Variants in TDP1 observed in about 807,000 individuals in gnomAD.
TDP1 encodes tyrosyl-DNA phosphodiesterase 1.
In TDP1, 64 loss-of-function variants were observed where a neutral mutation model predicts 81.5. That is an observed-to-expected ratio of 0.79 (90% CI 0.64 to 0.97). TDP1 has a LOEUF of 0.97. TDP1 is among the 50% of genes least tolerant of loss of function. The pLI, the probability that TDP1 is intolerant of heterozygous loss-of-function variation, is 0.00. For synonymous variants in TDP1, 256 were observed against 264.3 expected, an observed-to-expected ratio of 0.97 and a Z score of 0.30; for missense variants, 723 against 743.8, an observed-to-expected ratio of 0.97 and a Z score of 0.33.
intron 14 of TDP1, among the ~76,000 whole-genome samples, chr14:90,018,151 A>C (rs10132655): frequency 0.037 from 5,663 of 151,856 alleles, 380 homozygotes; most frequent in African/African-American, 0.13. Context: ...TCCAGCACAT[A>C]GCTCAGAAAA....
chr14:89,973,371 G>C (rs762753139), intron 6 of TDP1, among the ~76,000 whole-genome samples: 4 of 152,130 alleles, frequency 2.6e-5, no homozygotes, highest in Admixed American at 6.5e-5. Context: ...ACCTGTGCTC[G>C]TTTAGGAGAG....
At chr14:89,983,682 G>C (rs904118694) in intron 8 of TDP1, among the ~76,000 whole-genome samples, 1 of 152,190 alleles carries the variant, frequency 6.6e-6, no homozygotes, top group African/African-American at 2.4e-5. Context: ...TTTTGCATTT[G>C]AAGAAACTGA....
chr14:90,005,267 G>C lies in TDP1; in HGVS notation c.1541+11784G>C, dbSNP rs559074022. 1.8e-4 allele frequency among the ~76,000 whole-genome samples: 28 copies of C among 152,296 alleles called. No homozygotes were observed. The South Asian group carries it at 5.4e-3, about 29-fold the overall frequency. ...TGGATTTTATGCTGTGTTCCTTGGA[G>C]CCCTGTGGGCTCTGGAAACCCCTTT... On this transcript the variant is annotated intron_variant, in intron 14 of 16. Coordinates refer to ENST00000335725, the MANE Select transcript of TDP1 (RefSeq NM_018319.4).
chr14:89,975,384 T>C, intron 6 of TDP1: 1 of 985,306 alleles, frequency 1.0e-6, no homozygotes, highest in Non-Finnish European at 1.2e-6. Flanking sequence ...CCTTCAGTGT[T>C]TCTTTTAAAT....
intron 6 of TDP1, among the ~76,000 whole-genome samples, chr14:89,974,167 A>C (rs1893992284): frequency 6.6e-6 from 1 of 152,182 alleles, no homozygotes; most frequent in African/African-American, 2.4e-5. Flanking sequence ...TTATCTTTGA[A>C]ATTGATTGCT....
intron 6 of TDP1, among the ~76,000 whole-genome samples, chr14:89,974,831 G>C (rs1894087892): frequency 6.6e-6 from 1 of 152,122 alleles, no homozygotes; most frequent in Admixed American, 6.5e-5. Context: ...AAACTTTTAC[G>C]GTTATTTAAA....
Position 89,971,166 on chromosome 14 carries a change from T to C in TDP1, c.660-9T>C. 1 of 1,612,144 alleles carries C rather than the reference T, an allele frequency of 6.2e-7. No individual in the cohort carries two copies. The highest frequency in any genetic ancestry group is 8.5e-7 in the Non-Finnish European group (1 of 1,178,420). On this transcript the variant is annotated splice_polypyrimidine_tract_variant and intron_variant, in intron 5 of 16. Transcript: ENST00000335725. ...TGATGTATATTAAATACTAATGCTC[T>C]CTTTTTAGGAAGAAGCCAATCCTGC...
chr14:90,010,476 G>A (rs990969209), intron 14 of TDP1, among the ~76,000 whole-genome samples: 7 of 152,300 alleles, frequency 4.6e-5, no homozygotes, highest in African/African-American at 1.7e-4. Flanking sequence ...GCAGCAGGTG[G>A]GATTAGGTTT....
At chr14:89,968,299 A>T (rs1204006331) in intron 5 of TDP1, among the ~76,000 whole-genome samples, 2 of 152,106 alleles carry the variant, frequency 1.3e-5, no homozygotes, top group African/African-American at 2.4e-5. Context: ...TATGGTCTAG[A>T]TGGGGGCACC....
At chr14:90,020,502 C>T (rs569483492) in intron 15 of TDP1, among the ~76,000 whole-genome samples, 5 of 57,104 alleles carry the variant, frequency 8.8e-5, no homozygotes, top group African/African-American at 2.7e-4. Context: ...CTCCCTCCCT[C>T]CCTTCCGTCC....
At chr14:90,006,315 T>G (rs141837616) in intron 14 of TDP1, among the ~76,000 whole-genome samples, 2 of 152,182 alleles carry the variant, frequency 1.3e-5, no homozygotes, top group Admixed American at 1.3e-4. Context: ...TAAGACCTGA[T>G]AGCCACCCTG....
At chr14:90,042,091 A>G (rs780210445) in intron 16 of TDP1, among the ~76,000 whole-genome samples, 1 of 152,194 alleles carries the variant, frequency 6.6e-6, no homozygotes, top group Non-Finnish European at 1.5e-5. Context: ...CCATTGTACC[A>G]TACCCAGGCA....
intron 8 of TDP1, among the ~76,000 whole-genome samples, chr14:89,982,026 C>A (rs759516972): frequency 6.6e-6 from 1 of 152,140 alleles, no homozygotes; most frequent in Non-Finnish European, 1.5e-5. Flanking sequence ...TTGCTTCAAC[C>A]TGAGTGCACT....
Position 89,991,950 on chromosome 14 carries a change from C to A in TDP1, c.1400C>A (p.Ala467Asp), listed in dbSNP as rs371731167. The A allele has an allele frequency of 3.1e-6, 5 of 1,612,564 alleles. No individual in the cohort carries two copies. The highest frequency in any genetic ancestry group is 4.2e-6 in the Non-Finnish European group (5 of 1,179,576). The change falls in exon 13 of 17, where the codon GCT becomes GAT. Residue 467 changes from alanine (A) to aspartate (D), a missense_variant. Physicochemically the swap from Ala to Asp is moderately radical, Grantham distance 126. Transcript: ENST00000335725. ...TCTCTTCCCTATAGCATCCAGACAGCTGAAAAACAGAATTGGCTGCATTCC... is the reference window on the plus strand; with the variant it reads ...TCTCTTCCCTATAGCATCCAGACAGATGAAAAACAGAATTGGCTGCATTCC... ...GGSLPYSIQTAEKQNWLHSYF... is the reference protein window; with the variant it reads ...GGSLPYSIQTDEKQNWLHSYF...
rs200857158 is a variant in TDP1 at position 89,958,924 on chromosome 14, G to A, written c.-8+2124G>A. On this transcript the variant is annotated intron_variant, in intron 2 of 16. Transcript: ENST00000335725. ...TTTATTTTGCTATTTCAAATATAACGTAGCCATAAGATACCTTCTGTTGAT... is the reference window on the plus strand; with the variant it reads ...TTTATTTTGCTATTTCAAATATAACATAGCCATAAGATACCTTCTGTTGAT... Among the ~76,000 whole-genome samples, 57 of 152,262 alleles carry A rather than the reference G, an allele frequency of 3.7e-4. 1 individual carries two copies. In the South Asian group the frequency reaches 7.0e-3, roughly 19 times the overall value.
At position 89,967,420 on chromosome 14, in the gene TDP1, C is replaced by G; in HGVS notation, c.657C>G (p.Phe219Leu). ...TCGTAAAACAGTATCCACCAGAGTT[C>G]AGGTGAGTTCCTCAGGGTGACAGAC... ...DWLVKQYPPEFRKKPILLVHG... is the reference protein window; with the variant it reads ...DWLVKQYPPELRKKPILLVHG... Residue 219 changes from phenylalanine (F) to leucine (L), a missense_variant and splice_region_variant, in exon 5 of 17, where the codon TTC becomes TTG. By Grantham distance (22) the Phe-to-Leu change is conservative. Coordinates refer to ENST00000335725, the MANE Select transcript of TDP1 (RefSeq NM_018319.4). 6.2e-7 allele frequency: 1 copy of G among 1,613,866 alleles called. No homozygotes were observed. The highest frequency in any genetic ancestry group is 1.1e-5 in the South Asian group (1 of 91,072).
At chr14:90,017,507 C>G (rs1475479068) in intron 14 of TDP1, among the ~76,000 whole-genome samples, 1 of 152,158 alleles carries the variant, frequency 6.6e-6, no homozygotes. Flanking sequence ...GAAAGGCTGT[C>G]CTTGTGATCT....
intron 16 of TDP1, among the ~76,000 whole-genome samples, chr14:90,041,843 A>G (rs188574078): frequency 1.3e-5 from 2 of 152,354 alleles, no homozygotes; most frequent in East Asian, 3.9e-4. Flanking sequence ...ATCTGTTGAA[A>G]TGTTTTCAAT....
intron 15 of TDP1, among the ~76,000 whole-genome samples, chr14:90,020,204 G>A (rs1310492237): frequency 1.3e-5 from 2 of 152,104 alleles, no homozygotes; most frequent in South Asian, 2.1e-4. Context: ...CTAGAATCAC[G>A]CTTGACCCAG....
Sources: gnomAD v4.1 joint callset for allele counts (sites outside exome capture counted in the v4.1 genomes callset) on GRCh38, gnomAD v4.1.1 for gene constraint, MANE v1.5 for transcripts, NCBI Gene and HGNC (gene_info 2026-07-23, HGNC 2026-07-21) for gene names.